The following PIP4K2A variants were observed in gnomAD, a reference collection of about 807,000 sequenced individuals.
The protein encoded by PIP4K2A is phosphatidylinositol 5-phosphate 4-kinase type-2 alpha.
A neutral mutation model predicts 42.9 loss-of-function variants in PIP4K2A; 14 were observed. That is an observed-to-expected ratio of 0.33 (90% CI 0.22 to 0.51). The LOEUF is 0.51. PIP4K2A is among the 20% of genes least tolerant of loss of function. The pLI is 0.97. For missense variants in PIP4K2A, 434 were observed against 519.8 expected (o/e 0.83, Z 1.61); for synonymous variants, 192 against 192.2 (o/e 1.00, Z 0.01).
intron 1 of PIP4K2A, among the ~76,000 whole-genome samples, chr10:22,664,150 T>TATACATATATATATACATATATATAC (rs1839286959): frequency 1.4e-4 from 3 of 21,742 alleles, no homozygotes; most frequent in African/African-American, 8.5e-4. Flanking sequence ...TACATATATA[T>TATACATATATATATACATATATATAC]ACACATATAT....
chr10:22,667,284 A>C (rs1055532077), intron 1 of PIP4K2A, among the ~76,000 whole-genome samples: 1 of 152,264 alleles, frequency 6.6e-6, no homozygotes, highest in Non-Finnish European at 1.5e-5. Flanking sequence ...AAATTAATTT[A>C]GTTTCTCAAG....
intron 1 of PIP4K2A, among the ~76,000 whole-genome samples, chr10:22,695,085 T>C: frequency 6.6e-6 from 1 of 152,220 alleles, no homozygotes; most frequent in East Asian, 1.9e-4. Flanking sequence ...CAAATTGCTT[T>C]ATCATAAAAT....
At chr10:22,565,237 T>G (rs1836817701) in intron 6 of PIP4K2A, among the ~76,000 whole-genome samples, 1 of 152,224 alleles carries the variant, frequency 6.6e-6, no homozygotes, top group South Asian at 2.1e-4. Flanking sequence ...TGAGAGCCAC[T>G]GTGCAGCCTC....
chr10:22,609,745 G>A (rs1279428388), intron 1 of PIP4K2A, 28 bp from the exon 2 acceptor site: 1 of 1,330,000 alleles, frequency 7.5e-7, no homozygotes, highest in Non-Finnish European at 1.1e-6. Flanking sequence ...AAATAGCATG[G>A]GTTATTACTA....
At chr10:22,670,993 C>T (rs1337113159) in intron 1 of PIP4K2A, among the ~76,000 whole-genome samples, 1 of 152,120 alleles carries the variant, frequency 6.6e-6, no homozygotes, top group Non-Finnish European at 1.5e-5. Flanking sequence ...ATCATCCCAT[C>T]GGGCATCCAG....
intron 1 of PIP4K2A, among the ~76,000 whole-genome samples, chr10:22,645,387 C>T (rs1223165130): frequency 6.6e-6 from 1 of 151,804 alleles, no homozygotes; most frequent in Non-Finnish European, 1.5e-5. Context: ...CTCTACAAAA[C>T]ATTTTAAAAA....
intron 1 of PIP4K2A, among the ~76,000 whole-genome samples, chr10:22,648,664 C>T (rs1177542531): frequency 6.6e-6 from 1 of 152,168 alleles, no homozygotes; most frequent in East Asian, 1.9e-4. Context: ...CACAATCAGA[C>T]ATTAAAAAAA....
At chr10:22,594,915 A>G (rs1837598714) in intron 3 of PIP4K2A, among the ~76,000 whole-genome samples, 1 of 152,180 alleles carries the variant, frequency 6.6e-6, no homozygotes, top group Admixed American at 6.5e-5. Flanking sequence ...GTCTCAAATC[A>G]CCATTTTAAT....
chr10:22,557,476 T>G (rs1836581796), intron 6 of PIP4K2A, among the ~76,000 whole-genome samples: 1 of 152,232 alleles, frequency 6.6e-6, no homozygotes, highest in South Asian at 2.1e-4. Context: ...AAGTGGGAAT[T>G]AACTCACGTG....
At chr10:22,711,975 G>C (rs1308344671) in intron 1 of PIP4K2A, among the ~76,000 whole-genome samples, 1 of 152,182 alleles carries the variant, frequency 6.6e-6, no homozygotes, top group Non-Finnish European at 1.5e-5. Context: ...AATAAAGACA[G>C]TTGGATAAAA....
intron 1 of PIP4K2A, among the ~76,000 whole-genome samples, chr10:22,662,418 G>C (rs1193415656): frequency 6.6e-6 from 1 of 152,206 alleles, no homozygotes; most frequent in Non-Finnish European, 1.5e-5. Context: ...GAATGCTGAA[G>C]ATTTCTGAAA....
At chr10:22,537,356 C>A in intron 9 of PIP4K2A, 75 bp from the exon 10 acceptor site, 2 of 1,164,498 alleles carry the variant, frequency 1.7e-6, no homozygotes, top group Non-Finnish European at 2.5e-6. Context: ...ATATCTACAG[C>A]TATTTCCAAT....
chr10:22,560,522 C>T (rs1042932683), intron 6 of PIP4K2A, among the ~76,000 whole-genome samples: 3 of 152,340 alleles, frequency 2.0e-5, no homozygotes, highest in East Asian at 3.9e-4. Context: ...ATAGGTAAAA[C>T]GTCGGAGACG....
intron 1 of PIP4K2A, among the ~76,000 whole-genome samples, chr10:22,652,531 A>G (rs1352618981): frequency 6.6e-6 from 1 of 152,234 alleles, no homozygotes; most frequent in Non-Finnish European, 1.5e-5. Context: ...TCAACACTGT[A>G]GTTATAATAA....
chr10:22,537,197 G>C lies in PIP4K2A; in HGVS notation c.*4C>G, dbSNP rs372647772. The C allele has an allele frequency of 6.3e-7, 1 of 1,598,222 alleles. No homozygotes were observed. Among genetic ancestry groups the C allele is most frequent in the Non-Finnish European group, 8.5e-7 (1 of 1,170,084 alleles). ...TTCATGTCTGTCCGAGGCTGCGCAG[G>C]AGGTTACGTCAAGATGTGGCCAATA... On this transcript the variant is annotated 3_prime_UTR_variant, in exon 10 of 10. Coordinates refer to ENST00000376573, the MANE Select transcript of PIP4K2A (RefSeq NM_005028.5).
At chr10:22,550,626 A>G (rs1836386631) in intron 7 of PIP4K2A, 33 bp downstream of exon 7, 1 of 1,113,198 alleles carries the variant, frequency 9.0e-7, no homozygotes, top group Admixed American at 1.7e-5. Flanking sequence ...ATATTTATAC[A>G]ATGAGTCTGG....
intron 1 of PIP4K2A, among the ~76,000 whole-genome samples, chr10:22,653,018 C>T (rs940899563): frequency 2.0e-5 from 3 of 151,876 alleles, no homozygotes; most frequent in African/African-American, 7.3e-5. Flanking sequence ...GGCTCGAGCC[C>T]GTAAGTTTGA....
intron 5 of PIP4K2A, among the ~76,000 whole-genome samples, chr10:22,569,919 G>T (rs1211233713): frequency 6.6e-6 from 1 of 152,130 alleles, no homozygotes; most frequent in South Asian, 2.1e-4. Context: ...GCACTGGCAA[G>T]AACAGAGTTT....
At chr10:22,625,961 AG>A (rs932777210) in intron 1 of PIP4K2A, among the ~76,000 whole-genome samples, 4 of 152,140 alleles carry the variant, frequency 2.6e-5, no homozygotes, top group Admixed American at 2.6e-4. Flanking sequence ...CTTCTGATAA[AG>A]GCCTGTGCTT....
Sources: allele counts gnomAD v4.1 joint callset (sites outside exome capture counted in the v4.1 genomes callset), GRCh38; gene constraint gnomAD v4.1.1; transcripts MANE v1.5; gene names NCBI Gene and HGNC (gene_info 2026-07-23, HGNC 2026-07-21).